Variants in FGGY observed in about 807,000 individuals in gnomAD.
FGGY encodes the protein FGGY carbohydrate kinase domain-containing protein.
Under a neutral mutation model 71.3 loss-of-function variants are expected in FGGY, and 72 were observed. The observed-to-expected ratio is 1.01, with a 90% CI of 0.84 to 1.23. The LOEUF (loss-of-function observed/expected upper bound fraction) is 1.23, where lower values mean the gene tolerates loss of function less well. Ranked by LOEUF, FGGY falls within the 50% of genes most tolerant of loss-of-function variation. The pLI is 0.00. For synonymous variants in FGGY, 251 were observed against 250.3 expected (o/e 1.00, Z -0.02); for missense variants, 668 against 682.3 (o/e 0.98, Z 0.23).
chr1:59,414,360 G>T (rs1496491), intron 5 of FGGY, among the ~76,000 whole-genome samples: 2,747 of 152,240 alleles, frequency 0.018, 87 homozygotes, highest in African/African-American at 0.063. Flanking sequence ...TTCATTTGGG[G>T]TATCTAGATG....
chr1:59,371,003 G>A (rs1466421581), intron 4 of FGGY, among the ~76,000 whole-genome samples: 2 of 151,098 alleles, frequency 1.3e-5, no homozygotes, highest in South Asian at 2.1e-4. Flanking sequence ...ATCAACTAAC[G>A]AGCAAAATCA....
intron 7 of FGGY, among the ~76,000 whole-genome samples, chr1:59,553,340 G>A (rs6672498): frequency 6.6e-6 from 1 of 152,140 alleles, no homozygotes; most frequent in Non-Finnish European, 1.5e-5. Flanking sequence ...GGGCTTATTG[G>A]ATATTTGAAC....
intron 14 of FGGY, among the ~76,000 whole-genome samples, chr1:59,711,889 C>G (rs1445198615): frequency 6.6e-6 from 1 of 152,140 alleles, no homozygotes; most frequent in Non-Finnish European, 1.5e-5. Context: ...TCCACCCTGG[C>G]CCCTCCCAAA....
intron 14 of FGGY, among the ~76,000 whole-genome samples, chr1:59,720,661 T>G (rs115502979): frequency 3.5e-4 from 53 of 152,320 alleles, no homozygotes; most frequent in African/African-American, 1.3e-3. Context: ...GAGGGTCTTG[T>G]TGTAACAATT....
intron 4 of FGGY, among the ~76,000 whole-genome samples, chr1:59,357,476 G>T (rs908582304): frequency 6.6e-6 from 1 of 152,262 alleles, no homozygotes; most frequent in East Asian, 1.9e-4. Flanking sequence ...AAGCCTCAAA[G>T]AAATGAAATG....
intron 13 of FGGY, among the ~76,000 whole-genome samples, chr1:59,671,415 G>T (rs2097376085): frequency 6.6e-6 from 1 of 152,208 alleles, no homozygotes; most frequent in Non-Finnish European, 1.5e-5. Flanking sequence ...GGCAATCTGA[G>T]CCTGGTGGGA....
chr1:59,333,690 T>C (rs754307276), intron 2 of FGGY, among the ~76,000 whole-genome samples: 1 of 151,996 alleles, frequency 6.6e-6, no homozygotes, highest in Non-Finnish European at 1.5e-5. Flanking sequence ...AAGAGAGGAG[T>C]TGCAATGGCT....
intron 8 of FGGY, among the ~76,000 whole-genome samples, chr1:59,602,701 A>T (rs953297914): frequency 6.6e-6 from 1 of 152,134 alleles, no homozygotes; most frequent in Non-Finnish European, 1.5e-5. Flanking sequence ...CCAAGCAAGT[A>T]TGTCCTCCTC....
chr1:59,537,859 A>G (rs2095359419), intron 7 of FGGY, among the ~76,000 whole-genome samples: 1 of 152,240 alleles, frequency 6.6e-6, no homozygotes, highest in Non-Finnish European at 1.5e-5. Flanking sequence ...AGATGGATTA[A>G]AGACTTAAAC....
At chr1:59,335,127 T>A (rs1264087751) in intron 2 of FGGY, among the ~76,000 whole-genome samples, 1 of 152,240 alleles carries the variant, frequency 6.6e-6, no homozygotes, top group African/African-American at 2.4e-5. Context: ...AAATGTATAA[T>A]GCTGTTATTT....
intron 4 of FGGY, among the ~76,000 whole-genome samples, chr1:59,371,300 G>T (rs1190766760): frequency 6.6e-6 from 1 of 152,060 alleles, no homozygotes; most frequent in Non-Finnish European, 1.5e-5. Context: ...AAGATCAAAA[G>T]AGACAAAGAA....
chr1:59,704,187 T>C (rs917780986), intron 14 of FGGY, among the ~76,000 whole-genome samples: 1 of 152,024 alleles, frequency 6.6e-6, no homozygotes, highest in Non-Finnish European at 1.5e-5. Flanking sequence ...CTGAGCATCT[T>C]ACCATTCCTA....
At chr1:59,457,623 G>GA (rs140812925) in intron 6 of FGGY, among the ~76,000 whole-genome samples, 3 of 150,212 alleles carry the variant, frequency 2.0e-5, no homozygotes, top group Non-Finnish European at 4.4e-5. Context: ...TTTTGAGGGG[G>GA]AAAAAAAAAT....
At chr1:59,519,158 C>CAT (rs2094749988) in intron 7 of FGGY, among the ~76,000 whole-genome samples, 4 of 152,176 alleles carry the variant, frequency 2.6e-5, no homozygotes, top group African/African-American at 9.7e-5. Flanking sequence ...GACTTAAGCC[C>CAT]ATGCTTTGTG....
intron 14 of FGGY, among the ~76,000 whole-genome samples, chr1:59,690,516 G>A (rs2154001607): frequency 6.6e-6 from 1 of 152,192 alleles, no homozygotes; most frequent in South Asian, 2.1e-4. Flanking sequence ...TCTTGGTGAG[G>A]CCCACCTCTA....
At chr1:59,389,567 G>T (rs2060464377) in intron 5 of FGGY, among the ~76,000 whole-genome samples, 1 of 152,206 alleles carries the variant, frequency 6.6e-6, no homozygotes, top group South Asian at 2.1e-4. Context: ...GTATCTTTGG[G>T]TCTCTGCTTT....
chr1:59,734,675 C>T (rs1450918489), intron 14 of FGGY, among the ~76,000 whole-genome samples: 1 of 152,240 alleles, frequency 6.6e-6, no homozygotes, highest in East Asian at 1.9e-4. Flanking sequence ...TTGAGGAATG[C>T]CGAGACCCTC....
chr1:59,438,452 A>T (rs2068999190), intron 5 of FGGY, among the ~76,000 whole-genome samples: 2 of 152,212 alleles, frequency 1.3e-5, no homozygotes, highest in African/African-American at 2.4e-5. Context: ...TAGATTTTTT[A>T]AAATGGCTAA....
chr1:59,424,098 G>C (rs1247457445), intron 5 of FGGY, among the ~76,000 whole-genome samples: 1 of 152,222 alleles, frequency 6.6e-6, no homozygotes, highest in African/African-American at 2.4e-5. Context: ...TACCATGATA[G>C]GCCGAGATCT....
Sources: allele counts gnomAD v4.1 joint callset (sites outside exome capture counted in the v4.1 genomes callset), GRCh38; gene constraint gnomAD v4.1.1; transcripts MANE v1.5; gene names NCBI Gene and HGNC (gene_info 2026-07-23, HGNC 2026-07-21).